PHF21B: variants seen among roughly 807,000 people sequenced by gnomAD.
PHF21B encodes the protein PHD finger protein 21B.
A neutral mutation model predicts 62.2 loss-of-function variants in PHF21B; 22 were observed. The observed-to-expected ratio is 0.35, with a 90% CI of 0.25 to 0.51. The LOEUF is 0.51. PHF21B is among the 20% of genes least tolerant of loss of function. The pLI, the probability that PHF21B is intolerant of heterozygous loss-of-function variation, is 0.97. For missense variants in PHF21B, 701 were observed against 707.9 expected (o/e 0.99, Z 0.11); for synonymous variants, 341 against 314.7 (o/e 1.08, Z -0.88).
chr22:44,946,564 G>A (rs2072076909), intron 2 of PHF21B, among the ~76,000 whole-genome samples: 1 of 152,100 alleles, frequency 6.6e-6, no homozygotes, highest in Admixed American at 6.6e-5. Context: ...TGGACAGTGG[G>A]TGGACATACG....
intron 2 of PHF21B, among the ~76,000 whole-genome samples, chr22:45,005,686 G>A (rs1211632833): frequency 6.6e-6 from 1 of 152,164 alleles, no homozygotes; most frequent in Non-Finnish European, 1.5e-5. Flanking sequence ...GGGGTCATCT[G>A]TTCATTTTAC....
At chr22:44,973,192 G>C (rs938077902) in intron 2 of PHF21B, among the ~76,000 whole-genome samples, 1 of 152,108 alleles carries the variant, frequency 6.6e-6, no homozygotes, top group Non-Finnish European at 1.5e-5. Flanking sequence ...GCCCCAGTCA[G>C]AGAAAACGGG....
chr22:44,954,070 T>C (rs1018031861), intron 2 of PHF21B, among the ~76,000 whole-genome samples: 6 of 152,240 alleles, frequency 3.9e-5, no homozygotes, highest in African/African-American at 1.4e-4. Context: ...GTGATTCCTC[T>C]GGCCCTGAGA....
At chr22:44,899,320 C>T (rs1391774672) in intron 5 of PHF21B, among the ~76,000 whole-genome samples, 4 of 125,440 alleles carry the variant, frequency 3.2e-5, no homozygotes, top group South Asian at 2.5e-4. Context: ...GACGGAGCTT[C>T]GCTCTTGTCA....
intron 5 of PHF21B, chr22:44,901,530 T>C (rs1047333297): frequency 4.4e-6 from 1 of 229,236 alleles, no homozygotes; most frequent in Non-Finnish European, 8.5e-6. Flanking sequence ...TTGCCTCCTG[T>C]AGGTTTCACT....
At chr22:44,915,503 T>C (rs1013753133) in intron 4 of PHF21B, among the ~76,000 whole-genome samples, 2 of 152,310 alleles carry the variant, frequency 1.3e-5, no homozygotes, top group African/African-American at 4.8e-5. Context: ...CCATGGCCCA[T>C]GACAACTCTT....
At chr22:44,962,444 G>A (rs993732988) in intron 2 of PHF21B, among the ~76,000 whole-genome samples, 3 of 152,242 alleles carry the variant, frequency 2.0e-5, no homozygotes, top group African/African-American at 7.2e-5. Context: ...CATTGGCACG[G>A]CTGATGGGAG....
At chr22:44,999,284 C>G (rs984644624) in intron 2 of PHF21B, among the ~76,000 whole-genome samples, 1 of 152,154 alleles carries the variant, frequency 6.6e-6, no homozygotes, top group Non-Finnish European at 1.5e-5. Context: ...CCACCTTAAA[C>G]TATAAAATAA....
intron 2 of PHF21B, among the ~76,000 whole-genome samples, chr22:44,961,891 A>AAT (rs1228783890): frequency 1.4e-5 from 2 of 146,916 alleles, no homozygotes; most frequent in Non-Finnish European, 3.0e-5. Context: ...TAAATAAATA[A>AAT]ATAAGTATAA....
intron 2 of PHF21B, chr22:44,989,403 C>T (rs1879780908): frequency 1.3e-5 from 2 of 152,078 alleles, no homozygotes; most frequent in African/African-American, 4.8e-5. Flanking sequence ...CTTTTTAAAC[C>T]CATGAAACGT....
At chr22:44,915,721 A>C (rs950493850) in intron 4 of PHF21B, among the ~76,000 whole-genome samples, 44 of 152,244 alleles carry the variant, frequency 2.9e-4, no homozygotes, top group Admixed American at 1.4e-3. Context: ...AAGAGGCCAC[A>C]GACAGGGGAC....
At chr22:44,911,140 C>A (rs1300538525) in intron 5 of PHF21B, among the ~76,000 whole-genome samples, 2 of 152,168 alleles carry the variant, frequency 1.3e-5, no homozygotes, top group East Asian at 3.9e-4. Context: ...ACAGAAAAAA[C>A]TTCTAAGCAG....
intron 2 of PHF21B, among the ~76,000 whole-genome samples, chr22:44,988,503 A>G (rs931822925): frequency 6.6e-6 from 1 of 152,162 alleles, no homozygotes; most frequent in Admixed American, 6.6e-5. Context: ...AGAAGGAAGA[A>G]AAAAATATAA....
chr22:44,907,043 CA>C (rs755374961), intron 5 of PHF21B, among the ~76,000 whole-genome samples: 13 of 152,202 alleles, frequency 8.5e-5, no homozygotes, highest in Non-Finnish European at 1.5e-4. Context: ...ACATACATGT[CA>C]CGCGTTTTAG....
chr22:44,989,015 A>G (rs2072999986), intron 2 of PHF21B: 1 of 151,884 alleles, frequency 6.6e-6, no homozygotes, highest in African/African-American at 2.4e-5. Flanking sequence ...AGCCCTGGGG[A>G]CCTAATCACC....
chr22:44,925,184 A>T (rs1276801876), intron 2 of PHF21B, among the ~76,000 whole-genome samples: 1 of 152,210 alleles, frequency 6.6e-6, no homozygotes, highest in Admixed American at 6.5e-5. Flanking sequence ...ACACCAGGAC[A>T]TTTTCAGGGA....
chr22:44,988,748 T>C (rs531491949), intron 2 of PHF21B, among the ~76,000 whole-genome samples: 1 of 152,334 alleles, frequency 6.6e-6, no homozygotes, highest in South Asian at 2.1e-4. Context: ...TTGTGGAAGT[T>C]TAGCAATGGC....
intron 2 of PHF21B, among the ~76,000 whole-genome samples, chr22:44,995,167 G>A (rs1318331950): frequency 6.6e-6 from 1 of 152,224 alleles, no homozygotes; most frequent in Non-Finnish European, 1.5e-5. Context: ...TGTACAGCAA[G>A]TCCAGCTGCA....
chr22:44,995,790 GCCCCCCACCTCCACCCCCCCAT>G (rs1178451037), intron 2 of PHF21B, among the ~76,000 whole-genome samples: 3 of 81,474 alleles, frequency 3.7e-5, no homozygotes, highest in Non-Finnish European at 7.7e-5. Context: ...TGACCCCCCC[GCCCCCCACCTCCACCCCCCCAT>G]CCCCCCACGT....
Sources: gnomAD v4.1 joint callset for allele counts (sites outside exome capture counted in the v4.1 genomes callset) on GRCh38, gnomAD v4.1.1 for gene constraint, MANE v1.5 for transcripts, NCBI Gene and HGNC (gene_info 2026-07-23, HGNC 2026-07-21) for gene names.